ACOT7: variants seen among roughly 807,000 people sequenced by gnomAD.
The protein encoded by ACOT7 is acyl-CoA thioesterase 7, also known as cytosolic acyl coenzyme A thioester hydrolase.
Under a neutral mutation model 40.2 loss-of-function variants are expected in ACOT7, and 12 were observed. The observed-to-expected ratio is 0.30, with a 90% CI of 0.19 to 0.48. ACOT7 has a LOEUF of 0.48. Among genes scored for constraint, ACOT7 ranks in the 20% least tolerant of loss-of-function variants. The pLI is 0.99. For synonymous variants in ACOT7, 228 were observed against 219.5 expected, an observed-to-expected ratio of 1.04 and a Z score of -0.34; for missense variants, 395 against 530.8, an observed-to-expected ratio of 0.74 and a Z score of 2.51.
At position 6,306,427 on chromosome 1, in the gene ACOT7, T is replaced by C. The variant is rs1017012389; in HGVS notation, c.713-11447A>G. The C allele has an allele frequency of 1.0e-6, 1 of 985,156 alleles. No individual in the cohort carries two copies. The highest frequency in any genetic ancestry group is 1.7e-5 in the African/African-American group (1 of 57,162). The allele number at this position is 985,156 out of a possible 1,614,324, so 61.0% of individuals were successfully genotyped here. Reference sequence around the variant, plus strand: ...ATAGGATGCTTGGACTGGAGTGATATGAACCCCACGCCCAGGCTTTCAGGG... The same window carrying C: ...ATAGGATGCTTGGACTGGAGTGATACGAACCCCACGCCCAGGCTTTCAGGG... On this transcript the variant is annotated intron_variant, in intron 6 of 8. Transcript: ENST00000361521. This position sits in a 1 kb window ranked among gnomAD's most constrained non-coding sequence, Gnocchi z 4.3.
chr1:6,366,694 C>T (rs1642019705), intron 1 of ACOT7, among the ~76,000 whole-genome samples: 1 of 150,198 alleles, frequency 6.7e-6, no homozygotes, highest in Non-Finnish European at 1.5e-5. Context: ...CTCACTCTGT[C>T]AGCCAGGCTG....
At chr1:6,296,485 G>A (rs529056733) in intron 6 of ACOT7, among the ~76,000 whole-genome samples, 4 of 151,204 alleles carry the variant, frequency 2.6e-5, no homozygotes, top group South Asian at 2.1e-4. Flanking sequence ...GTGCACTGGC[G>A]CGATCTCCGC....
intron 7 of ACOT7, among the ~76,000 whole-genome samples, chr1:6,292,906 T>C (rs1370086132): frequency 6.7e-6 from 1 of 149,992 alleles, no homozygotes; most frequent in South Asian, 2.1e-4. Context: ...TTTTTTTTTT[T>C]TGAGACGGAG....
intron 1 of ACOT7, among the ~76,000 whole-genome samples, chr1:6,368,884 G>A (rs564215024): frequency 6.0e-4 from 91 of 152,302 alleles, no homozygotes; most frequent in South Asian, 1.9e-3. Context: ...TGCACCTGGC[G>A]TGAGGGCAGG....
intron 8 of ACOT7, among the ~76,000 whole-genome samples, chr1:6,276,454 C>G: frequency 6.6e-6 from 1 of 151,936 alleles, no homozygotes; most frequent in Non-Finnish European, 1.5e-5. Flanking sequence ...GGCAGCTGCC[C>G]GGAGCGGGTG....
At chr1:6,342,254 C>T (rs569229174) in intron 2 of ACOT7, among the ~76,000 whole-genome samples, 14 of 152,230 alleles carry the variant, frequency 9.2e-5, no homozygotes, top group African/African-American at 3.1e-4. Context: ...TCCCTCGGGA[C>T]CCTTTCATGA....
At chr1:6,388,073 T>G (rs1480900898) in intron 1 of ACOT7, among the ~76,000 whole-genome samples, 1 of 149,568 alleles carries the variant, frequency 6.7e-6, no homozygotes, top group Non-Finnish European at 1.5e-5. Flanking sequence ...CCCAAGTAAC[T>G]GGGATTACAG....
At chr1:6,376,281 A>C (rs570731398) in intron 1 of ACOT7, among the ~76,000 whole-genome samples, 34 of 151,996 alleles carry the variant, frequency 2.2e-4, no homozygotes, top group Non-Finnish European at 4.3e-4. Context: ...ACCAACAAAA[A>C]AATTAGCCAG....
At chr1:6,270,409 G>A (rs1421922707) in intron 8 of ACOT7, among the ~76,000 whole-genome samples, 1 of 152,222 alleles carries the variant, frequency 6.6e-6, no homozygotes, top group Non-Finnish European at 1.5e-5. Context: ...TGGGGCACTG[G>A]CCAGTGGTGC....
chr1:6,344,569 G>C (rs1043039910), intron 2 of ACOT7, among the ~76,000 whole-genome samples: 4 of 152,110 alleles, frequency 2.6e-5, no homozygotes, highest in African/African-American at 9.7e-5. Context: ...TTCGAGGCCA[G>C]CGTGGCCAAC....
intron 6 of ACOT7, among the ~76,000 whole-genome samples, chr1:6,304,462 C>T (rs4388723): frequency 0.31 from 38,947 of 125,260 alleles, 9,257 homozygotes; most frequent in African/African-American, 0.71. Context: ...GGCAGGGTCA[C>T]AGGACAATAG....
chr1:6,378,099 G>A (rs1642269091), intron 1 of ACOT7, among the ~76,000 whole-genome samples: 1 of 151,630 alleles, frequency 6.6e-6, no homozygotes, highest in Non-Finnish European at 1.5e-5. Context: ...AACAAACAAC[G>A]GCACCAGTTA....
intron 1 of ACOT7, among the ~76,000 whole-genome samples, chr1:6,377,341 G>C (rs766261733): frequency 6.6e-6 from 1 of 152,022 alleles, no homozygotes; most frequent in Non-Finnish European, 1.5e-5. Flanking sequence ...TTCGAGACCA[G>C]CCTGGACAAC....
intron 8 of ACOT7, among the ~76,000 whole-genome samples, chr1:6,277,339 C>A (rs2148373789): frequency 2.0e-5 from 3 of 152,384 alleles, no homozygotes; most frequent in Admixed American, 2.0e-4. Context: ...AAACACCAAC[C>A]ACGCCTGCAG....
intron 1 of ACOT7, among the ~76,000 whole-genome samples, chr1:6,365,702 A>G (rs992746483): frequency 9.3e-5 from 14 of 150,760 alleles, no homozygotes; most frequent in Non-Finnish European, 1.6e-4. Context: ...CGGGAGGCGG[A>G]GCTTGCAGTG....
At chr1:6,295,088 C>A in intron 6 of ACOT7, 108 bp from the exon 7 acceptor site, 2 of 780,550 alleles carry the variant, frequency 2.6e-6, no homozygotes, top group Non-Finnish European at 2.1e-6. Flanking sequence ...TAGCCACCAG[C>A]AAGGGCCGCA....
chr1:6,340,756 C>A (rs1040293023), intron 2 of ACOT7, among the ~76,000 whole-genome samples: 1 of 151,612 alleles, frequency 6.6e-6, no homozygotes, highest in Non-Finnish European at 1.5e-5. Context: ...CTTCTTTAGG[C>A]CGGGCGCGGT....
intron 1 of ACOT7, among the ~76,000 whole-genome samples, chr1:6,366,349 G>A (rs150909096): frequency 3.9e-5 from 6 of 152,042 alleles, no homozygotes; most frequent in East Asian, 1.9e-4. Flanking sequence ...TTGGGACCCC[G>A]AGGTGGGAGA....
At chr1:6,292,089 T>C (rs975812639) in intron 7 of ACOT7, among the ~76,000 whole-genome samples, 6 of 152,196 alleles carry the variant, frequency 3.9e-5, no homozygotes, top group Admixed American at 3.9e-4. Flanking sequence ...CAACGGCCCC[T>C]GGATGTGACA....
Sources: allele counts gnomAD v4.1 joint callset (sites outside exome capture counted in the v4.1 genomes callset), GRCh38; gene constraint gnomAD v4.1.1; non-coding constraint Gnocchi (gnomAD v3.1); transcripts MANE v1.5; gene names NCBI Gene and HGNC (gene_info 2026-07-23, HGNC 2026-07-21).